TGFBRAP1: variants seen among roughly 807,000 people sequenced by gnomAD.
TGFBRAP1 encodes transforming growth factor beta receptor associated protein 1.
A neutral mutation model predicts 83.2 loss-of-function variants in TGFBRAP1; 20 were observed. The ratio of observed to expected loss-of-function variants is 0.24; its 90% CI spans 0.17 to 0.35. The LOEUF is 0.35. Ranked by LOEUF, TGFBRAP1 falls within the 10% of genes least tolerant of loss-of-function variation. The probability of loss-of-function intolerance (pLI) is 1.00; values close to 1 mark genes in which losing one functional copy is unlikely to be tolerated. For missense variants in TGFBRAP1, 950 were observed against 1,099.4 expected (o/e 0.86, Z 1.92); for synonymous variants, 415 against 459.8 (o/e 0.90, Z 1.25).
intron 1 of TGFBRAP1, among the ~76,000 whole-genome samples, chr2:105,312,739 G>A (rs995680843): frequency 2.0e-5 from 3 of 152,194 alleles, no homozygotes; most frequent in Admixed American, 6.5e-5. Flanking sequence ...AGATGCTAAT[G>A]TAAAAATACA....
In TGFBRAP1 at chr2:105,280,583, A is replaced by G. The variant is rs773478551; in HGVS notation, c.1262T>C (p.Met421Thr). 6 of 1,614,124 alleles carry G rather than the reference A, an allele frequency of 3.7e-6. No individual in the cohort carries two copies. Among genetic ancestry groups the G allele is most frequent in the Non-Finnish European group, 5.1e-6 (6 of 1,180,030 alleles). Reference sequence around the variant, plus strand: ...CATGAGGAAGCGTTTGCACTTGGCCATCTTCTCCTGGTCCCCCTGGGTCAG... The same window carrying G: ...CATGAGGAAGCGTTTGCACTTGGCCGTCTTCTCCTGGTCCCCCTGGGTCAG... The part of the protein sequence containing the change: ...NQLTQGDQEK[M>T]AKCKRFLMSY... Residue 421 changes from methionine to threonine, a missense_variant, in exon 6 of 12, where the codon ATG (methionine) becomes ACG (threonine). Coordinates refer to ENST00000393359, the MANE Select transcript of TGFBRAP1 (RefSeq NM_004257.6).
chr2:105,284,129 C>T (rs115714504), intron 5 of TGFBRAP1, among the ~76,000 whole-genome samples, 187 bp downstream of exon 5: 210 of 152,244 alleles, frequency 1.4e-3, no homozygotes, highest in African/African-American at 4.8e-3. Flanking sequence ...ATTAAGGCTC[C>T]GGGTGAGGGG....
intron 5 of TGFBRAP1, among the ~76,000 whole-genome samples, chr2:105,282,744 T>C (rs982134069): frequency 1.3e-5 from 2 of 151,488 alleles, no homozygotes; most frequent in Non-Finnish European, 2.9e-5. Flanking sequence ...GGAAGATCAT[T>C]GAGCCCAGAA....
chr2:105,303,674 C>G (rs376781529), intron 2 of TGFBRAP1, among the ~76,000 whole-genome samples: 3 of 152,176 alleles, frequency 2.0e-5, no homozygotes, highest in African/African-American at 7.2e-5. Flanking sequence ...CTGTCAACAG[C>G]TGCTAACATT....
At chr2:105,286,516 A>C (rs994515335) in intron 4 of TGFBRAP1, among the ~76,000 whole-genome samples, 4 of 152,208 alleles carry the variant, frequency 2.6e-5, no homozygotes, top group African/African-American at 9.6e-5. Context: ...GAGAACAAGA[A>C]AGTCCATTTA....
intron 1 of TGFBRAP1, among the ~76,000 whole-genome samples, chr2:105,318,989 C>T (rs956707945): frequency 1.3e-5 from 2 of 152,038 alleles, no homozygotes; most frequent in Non-Finnish European, 2.9e-5. Flanking sequence ...TTCCTCTATA[C>T]TAAAACTCAC....
chr2:105,281,369 C>T (rs1189478941), intron 5 of TGFBRAP1, among the ~76,000 whole-genome samples: 2 of 152,174 alleles, frequency 1.3e-5, no homozygotes, highest in Non-Finnish European at 2.9e-5. Flanking sequence ...GGATCTCAAA[C>T]CTGGCCCAGT....
At chr2:105,326,371 A>G (rs901956885) in intron 1 of TGFBRAP1, among the ~76,000 whole-genome samples, 4 of 152,226 alleles carry the variant, frequency 2.6e-5, no homozygotes, top group African/African-American at 9.6e-5. Flanking sequence ...GAAATATGGC[A>G]TTTACTTCAT....
At chr2:105,304,182 T>C (rs1678406256) in intron 2 of TGFBRAP1, among the ~76,000 whole-genome samples, 1 of 152,218 alleles carries the variant, frequency 6.6e-6, no homozygotes, top group African/African-American at 2.4e-5. Flanking sequence ...CTTAGGTATC[T>C]GTAACTTAGA....
In TGFBRAP1 at chr2:105,273,594, T is replaced by C; in HGVS notation, c.1762A>G (p.Lys588Glu). ...DIINCLKKYP[K>E]ALVKYLEHLV... ...TGTTCCAGATACTTCACAAGGGCTTTAGGGTATTTTTTAAGGCAATTGATA... is the reference window on the plus strand; with the variant it reads ...TGTTCCAGATACTTCACAAGGGCTTCAGGGTATTTTTTAAGGCAATTGATA... The change falls in exon 9 of 12, where the codon AAA becomes GAA. Residue 588 changes from lysine to glutamate, a missense_variant. By Grantham distance (56) the Lys-to-Glu change is moderately conservative. Coordinates refer to ENST00000393359, the MANE Select transcript of TGFBRAP1 (RefSeq NM_004257.6). 6.2e-7 allele frequency: 1 copy of C among 1,614,232 alleles called. No homozygotes were observed. Among genetic ancestry groups the C allele is most frequent in the East Asian group, 2.2e-5 (1 of 44,886 alleles).
At chr2:105,317,305 C>T (rs886508966) in intron 1 of TGFBRAP1, among the ~76,000 whole-genome samples, 5 of 151,914 alleles carry the variant, frequency 3.3e-5, no homozygotes, top group East Asian at 3.9e-4. Context: ...GGCATGGTGG[C>T]GGATGCCTGT....
At chr2:105,322,064 T>C (rs2104419923) in intron 1 of TGFBRAP1, among the ~76,000 whole-genome samples, 1 of 152,268 alleles carries the variant, frequency 6.6e-6, no homozygotes, top group African/African-American at 2.4e-5. Context: ...CCCGAAGACC[T>C]TCCAGTGGGA....
downstream of TGFBRAP1, among the ~76,000 whole-genome samples, chr2:105,260,280 T>C (rs1227817253): frequency 2.6e-5 from 4 of 152,088 alleles, no homozygotes; most frequent in Admixed American, 1.3e-4. Context: ...CATGGTGGCA[T>C]GCGCCTATAA....
At chr2:105,295,399 T>C (rs1558642441) in intron 4 of TGFBRAP1, among the ~76,000 whole-genome samples, 1 of 152,206 alleles carries the variant, frequency 6.6e-6, no homozygotes, top group East Asian at 1.9e-4. Context: ...CCCTCAAATA[T>C]GGAATAACCT....
chr2:105,307,527 G>T, intron 2 of TGFBRAP1, 87 bp downstream of exon 2: 3 of 1,377,612 alleles, frequency 2.2e-6, no homozygotes, highest in Non-Finnish European at 3.0e-6. Flanking sequence ...GATTTATTCT[G>T]CACAGCGCCA....
At chr2:105,296,568 A>T in intron 3 of TGFBRAP1, 58 bp from the exon 4 acceptor site, 1 of 1,567,704 alleles carries the variant, frequency 6.4e-7, no homozygotes, top group Non-Finnish European at 8.6e-7. Flanking sequence ...GCAAAAAAAC[A>T]CACTGCTTTC....
downstream of TGFBRAP1, among the ~76,000 whole-genome samples, chr2:105,259,872 C>T (rs981079874): frequency 1.3e-5 from 2 of 152,136 alleles, no homozygotes; most frequent in East Asian, 3.9e-4. Context: ...CAAGGGACCA[C>T]CTTAGACCAT....
downstream of TGFBRAP1, among the ~76,000 whole-genome samples, chr2:105,263,742 G>A (rs1676841127): frequency 1.3e-5 from 2 of 152,076 alleles, no homozygotes; most frequent in Admixed American, 1.3e-4. Context: ...TAAATTAGCT[G>A]GGTGTGGTGG....
downstream of TGFBRAP1, among the ~76,000 whole-genome samples, chr2:105,261,367 C>T (rs1010311147): frequency 1.3e-5 from 2 of 152,012 alleles, no homozygotes; most frequent in Non-Finnish European, 2.9e-5. Flanking sequence ...ACATGGATTC[C>T]GAAAGGGAAA....
Sources: allele counts gnomAD v4.1 joint callset (sites outside exome capture counted in the v4.1 genomes callset), GRCh38; gene constraint gnomAD v4.1.1; transcripts MANE v1.5; gene names NCBI Gene and HGNC (gene_info 2026-07-23, HGNC 2026-07-21).